The following SETBP1 variants were observed in gnomAD, a reference collection of about 807,000 sequenced individuals.
SETBP1 encodes the protein SET-binding protein.
SETBP1 carries 9 observed loss-of-function variants against 101.0 expected under a neutral mutation model. That is an observed-to-expected ratio of 0.09 (90% CI 0.05 to 0.16). The LOEUF (loss-of-function observed/expected upper bound fraction) is 0.16, where lower values mean the gene tolerates loss of function less well. Ranked by LOEUF, SETBP1 falls within the 10% of genes least tolerant of loss-of-function variation. The pLI is 1.00. For synonymous variants in SETBP1, 818 were observed against 788.5 expected (o/e 1.04, Z -0.63); for missense variants, 1,858 against 2,033.8 (o/e 0.91, Z 1.66).
At chr18:45,049,737 G>C (rs970211863) in intron 5 of SETBP1, among the ~76,000 whole-genome samples, 5 of 152,160 alleles carry the variant, frequency 3.3e-5, no homozygotes, top group African/African-American at 1.2e-4. Flanking sequence ...AATCAAAACA[G>C]TGTGCAGGAA....
intron 3 of SETBP1, chr18:44,869,530 T>C: frequency 4.6e-6 from 2 of 438,902 alleles, no homozygotes; most frequent in South Asian, 4.1e-5. Flanking sequence ...TATATAGAGA[T>C]CAAGATGCTC....
intron 2 of SETBP1, among the ~76,000 whole-genome samples, chr18:44,746,568 C>T (rs902744520): frequency 6.6e-6 from 1 of 152,106 alleles, no homozygotes; most frequent in African/African-American, 2.4e-5. Context: ...TGGGGAGTGG[C>T]GTCTGAGTTG....
intron 4 of SETBP1, among the ~76,000 whole-genome samples, chr18:45,000,581 A>G (rs981212857): frequency 6.6e-6 from 1 of 152,044 alleles, no homozygotes; most frequent in East Asian, 1.9e-4. Context: ...TGCTAAATAT[A>G]CTCTTAAAAT....
intron 3 of SETBP1, among the ~76,000 whole-genome samples, chr18:44,902,545 A>G (rs1376858229): frequency 1.3e-5 from 2 of 152,120 alleles, no homozygotes; most frequent in East Asian, 3.9e-4. Flanking sequence ...GTAGATAGGC[A>G]TTTTCTAGCC....
chr18:44,906,284 A>G (rs2070173165), intron 3 of SETBP1, among the ~76,000 whole-genome samples: 1 of 152,208 alleles, frequency 6.6e-6, no homozygotes, highest in East Asian at 1.9e-4. Flanking sequence ...GCTCCAGGAA[A>G]GAAACTAGGG....
chr18:44,839,265 C>G (rs1451256297), intron 2 of SETBP1, among the ~76,000 whole-genome samples: 1 of 152,142 alleles, frequency 6.6e-6, no homozygotes, highest in Non-Finnish European at 1.5e-5. Flanking sequence ...GGGTGAAGAG[C>G]CACCAGGGAA....
At chr18:44,949,650 C>T (rs894033493) in intron 3 of SETBP1, among the ~76,000 whole-genome samples, 4 of 152,216 alleles carry the variant, frequency 2.6e-5, no homozygotes, top group Admixed American at 1.3e-4. Flanking sequence ...TAAAAGACAA[C>T]AATTAAAATG....
chr18:44,801,506 A>G (rs986120896), intron 2 of SETBP1, among the ~76,000 whole-genome samples: 3 of 152,108 alleles, frequency 2.0e-5, no homozygotes, highest in African/African-American at 7.2e-5. Flanking sequence ...TGACATGAGT[A>G]CTGTCACTAC....
Position 44,950,680 on chromosome 18 carries a change from T to C in SETBP1, c.1340T>C (p.Val447Ala). The change falls in exon 4 of 6, where the codon GTA becomes GCA. Residue 447 changes from valine (V) to alanine (A), a missense_variant. By Grantham distance (64) the Val-to-Ala change is moderately conservative. Transcript: ENST00000649279. ...LASGITMSSE[V>A]VNRILSNSEG... Reference sequence around the variant, plus strand: ...TCTGGAATCACCATGAGCAGTGAAGTAGTTAACAGGATACTTTCCAACTCT... The same window carrying C: ...TCTGGAATCACCATGAGCAGTGAAGCAGTTAACAGGATACTTTCCAACTCT... 6.2e-7 allele frequency: 1 copy of C among 1,614,058 alleles called. No individual in the cohort carries two copies. Among genetic ancestry groups the C allele is most frequent in the Non-Finnish European group, 8.5e-7 (1 of 1,180,004 alleles).
At chr18:44,940,916 T>A (rs946605896) in intron 3 of SETBP1, among the ~76,000 whole-genome samples, 11 of 152,118 alleles carry the variant, frequency 7.2e-5, no homozygotes, top group Non-Finnish European at 4.4e-5. Context: ...GAGAAATGAA[T>A]TCCCTCGGTT....
chr18:44,966,266 A>C (rs1054776287), intron 4 of SETBP1, among the ~76,000 whole-genome samples: 2 of 152,140 alleles, frequency 1.3e-5, no homozygotes, highest in African/African-American at 4.8e-5. Context: ...GATCATCTTC[A>C]AGTATTTCCT....
chr18:45,019,655 T>C (rs997794237), intron 4 of SETBP1, among the ~76,000 whole-genome samples: 2 of 152,224 alleles, frequency 1.3e-5, no homozygotes, highest in African/African-American at 4.8e-5. Flanking sequence ...AGTTGTGGCC[T>C]AATTGCACAT....
At chr18:44,682,986 A>G (rs1256246295) in intron 1 of SETBP1, among the ~76,000 whole-genome samples, 3 of 151,244 alleles carry the variant, frequency 2.0e-5, no homozygotes, top group Non-Finnish European at 1.5e-5. Context: ...AAATAGATGT[A>G]TCTCTGGAAT....
chr18:44,749,897 A>G (rs927410980), intron 2 of SETBP1, among the ~76,000 whole-genome samples: 2 of 152,194 alleles, frequency 1.3e-5, no homozygotes, highest in Non-Finnish European at 2.9e-5. Context: ...TGAAGCATCC[A>G]ATGAGTGGTA....
chr18:45,001,344 T>C (rs963887206), intron 4 of SETBP1, among the ~76,000 whole-genome samples: 2 of 152,230 alleles, frequency 1.3e-5, no homozygotes, highest in African/African-American at 4.8e-5. Context: ...GAAAAGCTCT[T>C]AGGCCAGTAT....
intron 3 of SETBP1, among the ~76,000 whole-genome samples, chr18:44,925,105 T>A (rs1187672220): frequency 6.9e-6 from 1 of 144,888 alleles, no homozygotes; most frequent in Non-Finnish European, 1.5e-5. Context: ...CTGCCTGGAT[T>A]TTTTTTTTTT....
intron 5 of SETBP1, among the ~76,000 whole-genome samples, chr18:45,053,394 C>T (rs918925637): frequency 2.9e-4 from 44 of 152,096 alleles, no homozygotes; most frequent in African/African-American, 1.0e-3. Flanking sequence ...TTACCCAGAG[C>T]ACAGAAAACC....
intron 3 of SETBP1, among the ~76,000 whole-genome samples, chr18:44,940,822 T>C (rs2071071790): frequency 2.0e-5 from 3 of 152,226 alleles, no homozygotes; most frequent in Admixed American, 2.0e-4. Flanking sequence ...TTTCATTCAT[T>C]CATGTAGATC....
At chr18:44,799,078 G>A (rs2071543671) in intron 2 of SETBP1, among the ~76,000 whole-genome samples, 1 of 152,178 alleles carries the variant, frequency 6.6e-6, no homozygotes, top group Admixed American at 6.5e-5. Context: ...CACTGTGGAC[G>A]AGATCTGGCC....
Sources: allele counts gnomAD v4.1 joint callset (sites outside exome capture counted in the v4.1 genomes callset), GRCh38; gene constraint gnomAD v4.1.1; transcripts MANE v1.5; gene names NCBI Gene and HGNC (gene_info 2026-07-23, HGNC 2026-07-21).